Variants in BPI observed in about 807,000 individuals in gnomAD.
BPI encodes the protein bactericidal permeability-increasing protein.
Under a neutral mutation model 57.6 loss-of-function variants are expected in BPI, and 48 were observed. The observed-to-expected ratio is 0.83, with a 90% CI of 0.66 to 1.06. The LOEUF is 1.06. Ranked by LOEUF, BPI falls within the 50% of genes least tolerant of loss-of-function variation. The pLI is 0.00. For synonymous variants in BPI, 237 were observed against 238.2 expected, an observed-to-expected ratio of 0.99 and a Z score of 0.05; for missense variants, 651 against 609.7, an observed-to-expected ratio of 1.07 and a Z score of -0.71.
At chr20:38,325,928 G>A (rs554683646) in intron 9 of BPI, among the ~76,000 whole-genome samples, 1 of 152,298 alleles carries the variant, frequency 6.6e-6, no homozygotes, top group South Asian at 2.1e-4. Flanking sequence ...AACATCTGCA[G>A]AGACCTGAAG....
At chr20:38,314,032 A>ATGGTGATGGTGATGG in intron 5 of BPI, among the ~76,000 whole-genome samples, 1 of 143,008 alleles carries the variant, frequency 7.0e-6, no homozygotes. Context: ...GATGATGAGG[A>ATGGTGATGGTGATGG]TGGTGATGGT....
intron 4 of BPI, 54 bp from the exon 5 acceptor site, chr20:38,311,820 C>T: frequency 6.3e-7 from 1 of 1,577,172 alleles, no homozygotes; most frequent in Non-Finnish European, 8.7e-7. Flanking sequence ...CTCCTGAATC[C>T]AGCCCAGGGA....
rs75730836 is a variant in BPI, at chr20:38,325,104, G to A, written c.993+271G>A. On this transcript the variant is annotated intron_variant, in intron 9 of 14. Coordinates refer to ENST00000642449, the MANE Select transcript of BPI (RefSeq NM_001725.3). ...ATTGAATGCCCACCATGTGCCTGGG[G>A]CCCTGTGCTGGGAACCCAGCAGAAT... Among the ~76,000 whole-genome samples, 3 of 152,328 alleles carry A rather than the reference G, an allele frequency of 2.0e-5. No individual in the cohort carries two copies. The East Asian group carries it at 5.8e-4, about 29-fold the overall frequency.
At chr20:38,315,382 A>C (rs1436823747) in intron 5 of BPI, among the ~76,000 whole-genome samples, 1 of 152,202 alleles carries the variant, frequency 6.6e-6, no homozygotes, top group East Asian at 1.9e-4. Context: ...GTCTGCCCCC[A>C]GGGAATACAG....
chr20:38,319,990 G>C, intron 6 of BPI, 193 bp from the exon 7 acceptor site: 1 of 596,384 alleles, frequency 1.7e-6, no homozygotes, highest in South Asian at 2.0e-5. Context: ...GAGTAAGGGG[G>C]TGTCTGTGAA....
In BPI at chr20:38,320,183, TA is replaced by T; in HGVS notation, c.667del (p.Met223Ter). On this transcript the variant is annotated frameshift_variant and splice_region_variant, in exon 7 of 15. Coordinates refer to ENST00000642449, the MANE Select transcript of BPI (RefSeq NM_001725.3). LOFTEE classifies it high-confidence loss of function. ...CATGGTCCATTTTCTTTCTCTCTAG[TA>T]ATGACCAAAATAGATTCTGTGGCTG... The part of the protein sequence containing the change: ...ELQPYFQTLP[V>X]MTKIDSVAGI... The T allele has an allele frequency of 6.2e-7, 1 of 1,613,768 alleles. No individual in the cohort carries two copies. The highest frequency in any genetic ancestry group is 1.3e-5 in the African/African-American group (1 of 74,994).
intron 3 of BPI, among the ~76,000 whole-genome samples, chr20:38,310,211 G>A (rs1343124286): frequency 6.6e-6 from 1 of 152,218 alleles, no homozygotes; most frequent in African/African-American, 2.4e-5. Flanking sequence ...AGCTCAGAGA[G>A]GTAAGAAACA....
intron 5 of BPI, among the ~76,000 whole-genome samples, chr20:38,312,418 C>T (rs1259536907): frequency 6.6e-6 from 1 of 152,262 alleles, no homozygotes; most frequent in Non-Finnish European, 1.5e-5. Context: ...GGGTATCAGC[C>T]AGCACTTCCC....
At chr20:38,317,722 A>G in intron 5 of BPI, 1 of 1,065,240 alleles carries the variant, frequency 9.4e-7, no homozygotes, top group Non-Finnish European at 1.4e-6. Context: ...ACAGAAGAGC[A>G]AATGGAATGG....
chr20:38,318,477 G>A lies in BPI; in HGVS notation c.664+1G>A, dbSNP rs2076664004. On this transcript the variant is annotated splice_donor_variant, in intron 6 of 14. Transcript: ENST00000642449. LOFTEE classifies it high-confidence loss of function. ...CAACCTTATTTCCAGACTCTGCCAG[G>A]TGAGGGCTGGATGAAGATCAAGGAT... 6.2e-7 allele frequency: 1 copy of A among 1,612,440 alleles called. No individual in the cohort carries two copies. The highest frequency in any genetic ancestry group is 1.3e-5 in the African/African-American group (1 of 74,872).
intron 5 of BPI, chr20:38,318,009 A>C: frequency 1.0e-6 from 1 of 985,256 alleles, no homozygotes; most frequent in Non-Finnish European, 1.2e-6. Context: ...AGCCCAGGTA[A>C]GGGAAGGCTG....
At chr20:38,327,170 G>A (rs908751811) in intron 10 of BPI, among the ~76,000 whole-genome samples, 3 of 152,214 alleles carry the variant, frequency 2.0e-5, no homozygotes, top group Admixed American at 2.0e-4. Context: ...CTCCCAAGCT[G>A]AGACCTGTTA....
chr20:38,337,280 A>G lies in BPI; in HGVS notation c.*96A>G. Reference sequence around the variant, plus strand: ...CCCCAGGGAATCCTCTCCAGATCTTAACCAAGAGCCCCTTGCAAACTTCTT... The same window carrying G: ...CCCCAGGGAATCCTCTCCAGATCTTGACCAAGAGCCCCTTGCAAACTTCTT... On this transcript the variant is annotated 3_prime_UTR_variant, in exon 15 of 15. Coordinates refer to ENST00000642449, the MANE Select transcript of BPI (RefSeq NM_001725.3). 9.3e-7 allele frequency: 1 copy of G among 1,070,498 alleles called. No individual in the cohort carries two copies. 66.3% of individuals were successfully genotyped at this position (1,070,498 alleles called of 1,614,324 possible).
At position 38,335,632 on chromosome 20, in the gene BPI, G is replaced by A. The variant is rs745422112; in HGVS notation, c.1371G>A (p.Pro457=). The A allele has an allele frequency of 2.7e-5, 44 of 1,613,988 alleles. 1 individual carries two copies. Among genetic ancestry groups the A allele is most frequent in the South Asian group, 1.1e-4 (10 of 91,070 alleles). The change falls in exon 14 of 15, where the codon CCG becomes CCA. Residue 457 remains proline (P), a synonymous_variant. Transcript: ENST00000642449. ...KLQKGFPLPT[P]ARVQLYNVVL... ...AGAAAGGCTTCCCTCTCCCGACGCC[G>A]GCCAGAGTCCAGCTCTACAACGTAG...
chr20:38,335,537 C>A, intron 13 of BPI, 61 bp from the exon 14 acceptor site: 1 of 1,499,522 alleles, frequency 6.7e-7, no homozygotes, highest in Non-Finnish European at 9.3e-7. Flanking sequence ...CTCTGGCCCT[C>A]CCTCCTCCCC....
In BPI at chr20:38,337,170, G is replaced by C. The variant is rs779376699; in HGVS notation, c.1438G>C (p.Val480Leu). The C allele has an allele frequency of 1.3e-6, 2 of 1,592,658 alleles. No individual in the cohort carries two copies. Among genetic ancestry groups the C allele is most frequent in the Non-Finnish European group, 8.5e-7 (1 of 1,171,412 alleles). ...GAACTTCCTGCTGTTCGGTGCAGAC[G>C]TTGTCTATAAATGAAGGCACCAGGG... ...HQNFLLFGAD[V>L]VYK Residue 480 changes from valine to leucine, a missense_variant, in exon 15 of 15, where the codon GTT becomes CTT. Transcript: ENST00000642449.
intron 9 of BPI, among the ~76,000 whole-genome samples, chr20:38,325,622 G>A (rs1248260703): frequency 6.6e-6 from 1 of 152,146 alleles, no homozygotes; most frequent in Non-Finnish European, 1.5e-5. Flanking sequence ...CAGCCACACT[G>A]GGAATTAGGG....
chr20:38,326,107 G>A (rs529770964), intron 9 of BPI, among the ~76,000 whole-genome samples, 158 bp from the exon 10 acceptor site: 1 of 152,330 alleles, frequency 6.6e-6, no homozygotes, highest in South Asian at 2.1e-4. Flanking sequence ...GGTGAGGTTG[G>A]CAGGGTGCCA....
At chr20:38,329,866 C>T (rs1435221525) in intron 11 of BPI, among the ~76,000 whole-genome samples, 2 of 152,018 alleles carry the variant, frequency 1.3e-5, no homozygotes, top group South Asian at 2.1e-4. Flanking sequence ...GTGCGCACCA[C>T]CACACCTGGC....
Sources: gnomAD v4.1 joint callset for allele counts (sites outside exome capture counted in the v4.1 genomes callset) on GRCh38, gnomAD v4.1.1 for gene constraint, MANE v1.5 for transcripts, NCBI Gene and HGNC (gene_info 2026-07-23, HGNC 2026-07-21) for gene names.